The following MAML3 variants were observed in gnomAD, a reference collection of about 807,000 sequenced individuals.
MAML3 encodes mastermind-like protein 3.
MAML3 carries 27 observed loss-of-function variants against 101.9 expected under a neutral mutation model. The observed-to-expected ratio is 0.27, with a 90% confidence interval of 0.20 to 0.37. The LOEUF is 0.37. Among genes scored for constraint, MAML3 ranks in the 10% least tolerant of loss-of-function variants. The pLI is 1.00. For synonymous variants in MAML3, 501 were observed against 555.9 expected (o/e 0.90, Z 1.39); for missense variants, 1,316 against 1,444.9 (o/e 0.91, Z 1.45).
At chr4:139,842,116 C>A (rs10020932) in intron 2 of MAML3, among the ~76,000 whole-genome samples, 1 of 151,996 alleles carries the variant, frequency 6.6e-6, no homozygotes, top group Admixed American at 6.5e-5. Flanking sequence ...AAGGCATCCC[C>A]TGGGAAGACT....
At chr4:140,019,017 T>G (rs1726691920) in intron 1 of MAML3, among the ~76,000 whole-genome samples, 1 of 152,094 alleles carries the variant, frequency 6.6e-6, no homozygotes, top group Admixed American at 6.5e-5. Flanking sequence ...AATAATTTTT[T>G]TTCTCTTTTC....
intron 2 of MAML3, among the ~76,000 whole-genome samples, chr4:139,793,503 A>G (rs897233554): frequency 4.6e-5 from 7 of 152,190 alleles, no homozygotes; most frequent in Admixed American, 3.3e-4. Flanking sequence ...GATGGATGCA[A>G]GGATGGAAAA....
intron 2 of MAML3, among the ~76,000 whole-genome samples, chr4:139,776,471 C>A (rs1479730704): frequency 1.3e-5 from 2 of 152,152 alleles, no homozygotes; most frequent in Non-Finnish European, 2.9e-5. Flanking sequence ...CCGAAGACCA[C>A]ACTGATAGAT....
At chr4:140,133,814 A>G (rs566315428) in intron 1 of MAML3, among the ~76,000 whole-genome samples, 7 of 152,202 alleles carry the variant, frequency 4.6e-5, no homozygotes, top group Non-Finnish European at 7.3e-5. Context: ...CACTCATCCT[A>G]TAAGCATGCT....
chr4:139,964,528 G>C (rs552578546), intron 1 of MAML3, among the ~76,000 whole-genome samples: 1 of 151,764 alleles, frequency 6.6e-6, no homozygotes, highest in Non-Finnish European at 1.5e-5. Flanking sequence ...TAATAAACCT[G>C]CACATTTTGC....
At chr4:139,980,117 C>T (rs1734418131) in intron 1 of MAML3, among the ~76,000 whole-genome samples, 1 of 152,190 alleles carries the variant, frequency 6.6e-6, no homozygotes, top group Non-Finnish European at 1.5e-5. Flanking sequence ...CAAGCCCAGC[C>T]CGGACTCCAG....
intron 2 of MAML3, among the ~76,000 whole-genome samples, chr4:139,860,998 G>T (rs1731770969): frequency 6.6e-6 from 1 of 151,932 alleles, no homozygotes; most frequent in East Asian, 1.9e-4. Context: ...AGATGTATAT[G>T]ATATATGTAT....
chr4:139,722,960 T>C (rs566405283), intron 4 of MAML3, among the ~76,000 whole-genome samples: 1 of 152,300 alleles, frequency 6.6e-6, no homozygotes, highest in African/African-American at 2.4e-5. Context: ...CTGGCTTTAC[T>C]GATAGTATTC....
rs1230654227 is a variant in MAML3, at chr4:139,780,842, TG to T, written c.2080-50176del. 2.0e-5 allele frequency among the ~76,000 whole-genome samples: 3 copies of T among 152,244 alleles called. No homozygotes were observed. The South Asian group carries it at 6.2e-4, about 32-fold the overall frequency. On this transcript the variant is annotated intron_variant, in intron 2 of 4. Transcript: ENST00000509479. Reference sequence around the variant, plus strand: ...ACGGGTTTTACAATGTTGGCCAGGCTGGTCTCAAACTCCTGGCCTCACGTGA... The same window carrying T: ...ACGGGTTTTACAATGTTGGCCAGGCTGTCTCAAACTCCTGGCCTCACGTGA...
chr4:139,731,435 TAAAAAAAAAAAAAAA>T (rs70943437), intron 2 of MAML3: 6 of 38,718 alleles, frequency 1.5e-4, no homozygotes, highest in Admixed American at 1.0e-3. Flanking sequence ...CTGTCTCTAC[TAAAAAAAAAAAAAAA>T]AAAAAAAAAA....
At chr4:139,972,446 G>T (rs1287530219) in intron 1 of MAML3, among the ~76,000 whole-genome samples, 1 of 152,178 alleles carries the variant, frequency 6.6e-6, no homozygotes, top group African/African-American at 2.4e-5. Context: ...TGACTTTATA[G>T]TCACATTTTG....
intron 2 of MAML3, among the ~76,000 whole-genome samples, chr4:139,775,315 CA>C (rs1448389258): frequency 6.6e-6 from 1 of 152,126 alleles, no homozygotes; most frequent in Non-Finnish European, 1.5e-5. Context: ...AAAGGCTGTG[CA>C]AAATAACCCC....
At chr4:140,152,713 A>T in intron 1 of MAML3, 147 bp downstream of exon 1, 4 of 1,386,168 alleles carry the variant, frequency 2.9e-6, no homozygotes, top group Non-Finnish European at 3.8e-6. Context: ...TCCCTAAGAA[A>T]AGTTGACGTT....
In MAML3 at chr4:139,966,496, T is replaced by C. The variant is rs1354366222; in HGVS notation, c.469-75529A>G. Among the ~76,000 whole-genome samples the C allele has an allele frequency of 2.6e-5, 4 of 152,178 alleles. No homozygotes were observed. The East Asian group carries it at 7.7e-4, about 29-fold the overall frequency. Reference sequence around the variant, plus strand: ...GTCCCTGCCTTTGCCTTTCCTAAGATGCATTTACATTCACTTGGTTTGTCT... The same window carrying C: ...GTCCCTGCCTTTGCCTTTCCTAAGACGCATTTACATTCACTTGGTTTGTCT... On this transcript the variant is annotated intron_variant, in intron 1 of 4. Transcript: ENST00000509479.
chr4:139,978,079 AG>A (rs1415807520), intron 1 of MAML3, among the ~76,000 whole-genome samples: 8 of 152,112 alleles, frequency 5.3e-5, no homozygotes, highest in Non-Finnish European at 7.4e-5. Context: ...TCTTGCTTTC[AG>A]GCCCCAGCTG....
chr4:139,855,910 T>C (rs1222396809), intron 2 of MAML3, among the ~76,000 whole-genome samples: 1 of 152,244 alleles, frequency 6.6e-6, no homozygotes, highest in Admixed American at 6.5e-5. Flanking sequence ...ATTCCAAATG[T>C]AGGCTCGGGA....
At chr4:139,729,234 T>C (rs969495751) in intron 3 of MAML3, among the ~76,000 whole-genome samples, 9 of 149,064 alleles carry the variant, frequency 6.0e-5, no homozygotes, top group Non-Finnish European at 8.9e-5. Flanking sequence ...GGGGGATGCC[T>C]GGTGTTACTT....
intron 2 of MAML3, among the ~76,000 whole-genome samples, chr4:139,817,018 TGTGTACAACACAGGCTAGG>T (rs1730903670): frequency 6.6e-6 from 1 of 152,176 alleles, no homozygotes; most frequent in South Asian, 2.1e-4. Flanking sequence ...GTTTGTCGCC[TGTGTACAACACAGGCTAGG>T]TGCTAGGCGA....
intron 1 of MAML3, among the ~76,000 whole-genome samples, chr4:139,938,918 C>A (rs907096772): frequency 6.6e-6 from 1 of 152,244 alleles, no homozygotes; most frequent in African/African-American, 2.4e-5. Context: ...TTCCCAGATG[C>A]AATTCTGCTA....
Sources: allele counts gnomAD v4.1 joint callset (sites outside exome capture counted in the v4.1 genomes callset), GRCh38; gene constraint gnomAD v4.1.1; transcripts MANE v1.5; gene names NCBI Gene and HGNC (gene_info 2026-07-23, HGNC 2026-07-21).